Variants in MEIOSIN observed in about 807,000 individuals in gnomAD.
MEIOSIN encodes meiosis initiator.
A neutral mutation model predicts 23.4 loss-of-function variants in MEIOSIN; 18 were observed. That is an observed-to-expected ratio of 0.77 (90% confidence interval 0.53 to 1.14). MEIOSIN has a LOEUF of 1.14. MEIOSIN is among the 50% of genes most tolerant of loss of function. MEIOSIN has a pLI of 0.00. For missense variants in MEIOSIN, 428 were observed against 242.9 expected (o/e 1.76, Z -5.07); for synonymous variants, 187 against 100.6 (o/e 1.86, Z -5.14).
chr19:45,749,347 G>A (rs1366095727), intron 4 of MEIOSIN, among the ~76,000 whole-genome samples: 2 of 143,180 alleles, frequency 1.4e-5, no homozygotes, highest in Non-Finnish European at 3.0e-5. Flanking sequence ...ACTCCAGCCT[G>A]GCCAACAGAG....
intron 3 of MEIOSIN, among the ~76,000 whole-genome samples, chr19:45,740,083 A>C (rs978349865): frequency 5.9e-5 from 9 of 152,176 alleles, no homozygotes; most frequent in East Asian, 1.9e-4. Flanking sequence ...TCCTGACCTC[A>C]GGTGATCTGC....
chr19:45,734,503 C>T (rs1968377117), intron 1 of MEIOSIN, among the ~76,000 whole-genome samples: 1 of 151,886 alleles, frequency 6.6e-6, no homozygotes, highest in South Asian at 2.1e-4. Flanking sequence ...TTTGGGAGGG[C>T]TCCTTTTTTT....
At chr19:45,760,320 T>C (rs1406139590) in intron 11 of MEIOSIN, among the ~76,000 whole-genome samples, 1 of 151,962 alleles carries the variant, frequency 6.6e-6, no homozygotes, top group East Asian at 2.0e-4. Context: ...ATACAAGAAG[T>C]GTCCGGGCGT....
intron 1 of MEIOSIN, among the ~76,000 whole-genome samples, chr19:45,734,922 C>A (rs1443052055): frequency 6.6e-6 from 1 of 151,904 alleles, no homozygotes. Context: ...GAGACACAGT[C>A]TCACTCTGTT....
chr19:45,744,403 C>T (rs1968556832), intron 3 of MEIOSIN, among the ~76,000 whole-genome samples: 2 of 152,126 alleles, frequency 1.3e-5, no homozygotes, highest in Admixed American at 1.3e-4. Flanking sequence ...TGGGCAGTCA[C>T]ATAGGGCCCT....
intron 2 of MEIOSIN, among the ~76,000 whole-genome samples, chr19:45,738,353 C>G (rs933681348): frequency 1.3e-5 from 2 of 152,226 alleles, no homozygotes; most frequent in African/African-American, 4.8e-5. Context: ...GTTGATGGCT[C>G]AGGCCTGTAA....
Position 45,762,048 on chromosome 19 carries a change from C to A in MEIOSIN, c.1544C>A (p.Ala515Asp). 1 of 484,614 alleles carries A rather than the reference C, an allele frequency of 2.1e-6. No individual in the cohort carries two copies. The allele number at this position is 484,614 out of a possible 1,614,324, so 30.0% of individuals were successfully genotyped here. Reference sequence around the variant, plus strand: ...CCCCTGCTGGCAGCTGAGAAAAAGGCCACGAAGGGCCAAGTAGCCAGGGCC... The same window carrying A: ...CCCCTGCTGGCAGCTGAGAAAAAGGACACGAAGGGCCAAGTAGCCAGGGCC... ...ASPLLAAEKKATKGQVARAPV... is the reference protein window; with the variant it reads ...ASPLLAAEKKDTKGQVARAPV... Residue 515 changes from alanine to aspartate, a missense_variant, in exon 13 of 15, where the codon GCC becomes GAC. By Grantham distance (126) the Ala-to-Asp change is moderately radical (BLOSUM62 -2). Coordinates refer to ENST00000457052, the MANE Select transcript of MEIOSIN (RefSeq NM_001310124.2).
rs146801128 is a variant in MEIOSIN at position 45,751,557 on chromosome 19, C to T, written c.418+771C>T. ...TTTGTTTTTTGTGTGTTTTTTGAGACGGAGTATCACTCTGTCACCCAGGCT... is the reference window on the plus strand; with the variant it reads ...TTTGTTTTTTGTGTGTTTTTTGAGATGGAGTATCACTCTGTCACCCAGGCT... On this transcript the variant is annotated intron_variant, in intron 5 of 14. Coordinates refer to ENST00000457052, the MANE Select transcript of MEIOSIN (RefSeq NM_001310124.2). 5.4e-3 allele frequency among the ~76,000 whole-genome samples: 823 copies of T among 151,488 alleles called. 8 individuals are homozygous for T. Among genetic ancestry groups the T allele is most frequent in the African/African-American group, 0.019 (781 of 41,340 alleles).
At chr19:45,741,393 T>C (rs939061573) in intron 3 of MEIOSIN, among the ~76,000 whole-genome samples, 8 of 152,026 alleles carry the variant, frequency 5.3e-5, no homozygotes. Flanking sequence ...TATGATAGTA[T>C]TGATATGAAG....
Position 45,761,625 on chromosome 19 carries a change from A to G in MEIOSIN, c.1246-54A>G, listed in dbSNP as rs968141497. 1.2e-5 allele frequency: 8 copies of G among 680,128 alleles called. No individual in the cohort carries two copies. The Admixed American group carries it at 1.7e-4, about 14-fold the overall frequency. The allele number at this position is 680,128 out of a possible 1,614,324, so 42.1% of individuals were successfully genotyped here. ...GTCCTAGAAAAGCAGTACTGGGGGG[A>G]TGAAGGGGCACCACTTGTCTCCCCT... On this transcript the variant is annotated intron_variant, in intron 11 of 14. Coordinates refer to ENST00000457052, the MANE Select transcript of MEIOSIN (RefSeq NM_001310124.2).
chr19:45,757,812 C>T (rs1422611862), intron 9 of MEIOSIN, among the ~76,000 whole-genome samples: 1 of 152,006 alleles, frequency 6.6e-6, no homozygotes, highest in African/African-American at 2.4e-5. Flanking sequence ...TGAACCACCC[C>T]TCCGAACTCT....
chr19:45,742,877 T>C lies in MEIOSIN; in HGVS notation c.177-2315T>C, dbSNP rs901772003. 2.0e-5 allele frequency among the ~76,000 whole-genome samples: 3 copies of C among 151,984 alleles called. 1 individual carries two copies. Among genetic ancestry groups the C allele is most frequent in the Admixed American group, 2.0e-4 (3 of 15,214 alleles). Reference sequence around the variant, plus strand: ...CCAAACAGAGAAGGCAGAAATAAAATTGGCAGTTGAGAGAAACAGAAAGAA... The same window carrying C: ...CCAAACAGAGAAGGCAGAAATAAAACTGGCAGTTGAGAGAAACAGAAAGAA... On this transcript the variant is annotated intron_variant, in intron 3 of 14. Transcript: ENST00000457052.
In MEIOSIN at chr19:45,761,937, A is replaced by C; in HGVS notation, c.1435-2A>C. ...TCTCTCACCACCCTCTCCCTCCCCCAGGATATGCAGGCCAACCCTGTGGGC... is the reference window on the plus strand; with the variant it reads ...TCTCTCACCACCCTCTCCCTCCCCCCGGATATGCAGGCCAACCCTGTGGGC... On this transcript the variant is annotated splice_acceptor_variant, in intron 12 of 14. Transcript: ENST00000457052. LOFTEE classifies it high-confidence loss of function. 1 of 596,892 alleles carries C rather than the reference A, an allele frequency of 1.7e-6. No homozygotes were observed. 37.0% of individuals were successfully genotyped at this position (596,892 alleles called of 1,614,324 possible). A position where few individuals can be genotyped will look rare whatever the true frequency, so the allele number is the denominator to read the frequency against.
intron 11 of MEIOSIN, among the ~76,000 whole-genome samples, chr19:45,761,266 A>C (rs993881441): frequency 2.0e-5 from 3 of 151,436 alleles, no homozygotes; most frequent in Non-Finnish European, 4.4e-5. Context: ...CTGGGACTAC[A>C]GGCGCCCACC....
Position 45,763,434 on chromosome 19 carries a change from G to A in MEIOSIN, c.1769+7G>A, listed in dbSNP as rs1037142426. 1 of 398,716 alleles carries A rather than the reference G, an allele frequency of 2.5e-6. No individual in the cohort carries two copies. The highest frequency in any genetic ancestry group is 4.4e-6 in the Non-Finnish European group (1 of 226,128). 24.7% of individuals were successfully genotyped at this position (398,716 alleles called of 1,614,324 possible). ...AGGAGCGGAGGCCATACTGGTGAGA[G>A]GCTCCGGCCCCGAGGTGTGGGTGGG... On this transcript the variant is annotated splice_region_variant and intron_variant, in intron 14 of 14. Coordinates refer to ENST00000457052, the MANE Select transcript of MEIOSIN (RefSeq NM_001310124.2).
At chr19:45,762,692 C>T (rs972145084) in intron 13 of MEIOSIN, among the ~76,000 whole-genome samples, 2 of 152,194 alleles carry the variant, frequency 1.3e-5, no homozygotes. Context: ...CTGCCTGCCT[C>T]GGCCTCTCAA....
chr19:45,745,091 C>T lies in MEIOSIN; in HGVS notation c.177-101C>T, dbSNP rs752042231. 7 of 668,506 alleles carry T rather than the reference C, an allele frequency of 1.0e-5. No homozygotes were observed. The East Asian group carries it at 1.4e-4, about 13-fold the overall frequency. The allele number at this position is 668,506 out of a possible 1,614,324, so 41.4% of individuals were successfully genotyped here. On this transcript the variant is annotated intron_variant, in intron 3 of 14. Coordinates refer to ENST00000457052, the MANE Select transcript of MEIOSIN (RefSeq NM_001310124.2). The stretch of plus-strand genomic sequence containing the variant: ...TGTCCTCGGTGTCCAGGGTGGGGTG[C>T]GGGCAGCCCTAAAATGAGTAACACA...
At chr19:45,757,696 T>C (rs1416245733) in intron 9 of MEIOSIN, among the ~76,000 whole-genome samples, 2 of 152,090 alleles carry the variant, frequency 1.3e-5, no homozygotes, top group South Asian at 2.1e-4. Context: ...AATTTCTGTA[T>C]TTTTAGTAGA....
intron 2 of MEIOSIN, among the ~76,000 whole-genome samples, chr19:45,738,284 G>A (rs541311089): frequency 6.6e-6 from 1 of 152,278 alleles, no homozygotes; most frequent in African/African-American, 2.4e-5. Flanking sequence ...AAGCATCTAC[G>A]GGGTTATGTC....
Sources: gnomAD v4.1 joint callset for allele counts (sites outside exome capture counted in the v4.1 genomes callset) on GRCh38, gnomAD v4.1.1 for gene constraint, MANE v1.5 for transcripts, NCBI Gene and HGNC (gene_info 2026-07-23, HGNC 2026-07-21) for gene names.